The following ACTL8 variants were observed in gnomAD, a reference collection of about 807,000 sequenced individuals.
ACTL8 encodes actin like 8.
ACTL8 carries 3 observed loss-of-function variants against 9.3 expected under a neutral mutation model. The observed-to-expected ratio is 0.32, with a 90% CI of 0.15 to 0.83. The LOEUF (loss-of-function observed/expected upper bound fraction) is 0.83, where lower values mean the gene tolerates loss of function less well. ACTL8 is among the 40% of genes least tolerant of loss of function. ACTL8 has a pLI of 0.57. For synonymous variants in ACTL8, 224 were observed against 205.9 expected (o/e 1.09, Z -0.75); for missense variants, 381 against 492.2 (o/e 0.77, Z 2.14).
intron 1 of ACTL8, among the ~76,000 whole-genome samples, chr1:17,757,669 G>A (rs568520805): frequency 2.6e-5 from 4 of 152,232 alleles, no homozygotes; most frequent in South Asian, 4.2e-4. Flanking sequence ...CATGTTCCAC[G>A]GTGGCGGGTA....
At chr1:17,822,069 A>G (rs2053667176) in intron 1 of ACTL8, among the ~76,000 whole-genome samples, 1 of 152,250 alleles carries the variant, frequency 6.6e-6, no homozygotes, top group African/African-American at 2.4e-5. Context: ...GAAACTAACC[A>G]CAATCATGGA....
At chr1:17,757,865 T>C (rs1298267514) in intron 1 of ACTL8, among the ~76,000 whole-genome samples, 1 of 152,226 alleles carries the variant, frequency 6.6e-6, no homozygotes, top group Non-Finnish European at 1.5e-5. Flanking sequence ...GAGGTGGCTC[T>C]AACAGCTTGG....
intron 1 of ACTL8, among the ~76,000 whole-genome samples, chr1:17,815,314 G>A (rs1330306099): frequency 6.6e-6 from 1 of 152,184 alleles, no homozygotes; most frequent in Non-Finnish European, 1.5e-5. Context: ...AGCCTGAAGA[G>A]CTTTAATTAG....
intron 1 of ACTL8, among the ~76,000 whole-genome samples, chr1:17,772,917 A>T (rs932055662): frequency 2.0e-5 from 3 of 151,910 alleles, no homozygotes; most frequent in African/African-American, 7.3e-5. Flanking sequence ...GAAAGGAAAA[A>T]AAAAAGGATT....
chr1:17,758,666 T>G (rs2065982302), intron 1 of ACTL8, among the ~76,000 whole-genome samples: 1 of 152,212 alleles, frequency 6.6e-6, no homozygotes, highest in Non-Finnish European at 1.5e-5. Flanking sequence ...AACTCTGAAC[T>G]GATGCTGTTT....
Position 17,826,532 on chromosome 1 carries a change from A to C in ACTL8, c.*13A>C. Reference sequence around the variant, plus strand: ...TATGAGGATGTGACCCTACTGGCTCACTCCTGAGAATGGGCTCCTGTTAGA... The same window carrying C: ...TATGAGGATGTGACCCTACTGGCTCCCTCCTGAGAATGGGCTCCTGTTAGA... On this transcript the variant is annotated 3_prime_UTR_variant, in exon 3 of 3. Transcript: ENST00000375406. This position sits in a 1 kb window ranked among gnomAD's most constrained non-coding sequence, Gnocchi z 4.5. The C allele has an allele frequency of 6.6e-7, 1 of 1,524,038 alleles. No individual in the cohort carries two copies. The highest frequency in any genetic ancestry group is 2.0e-5 in the Admixed American group (1 of 49,786). The allele number at this position is 1,524,038 out of a possible 1,614,324, so 94.4% of individuals were successfully genotyped here. A position where few individuals can be genotyped will look rare whatever the true frequency, so the allele number is the denominator to read the frequency against.
chr1:17,764,200 G>A (rs2066028064), intron 1 of ACTL8, among the ~76,000 whole-genome samples: 1 of 152,104 alleles, frequency 6.6e-6, no homozygotes, highest in Admixed American at 6.5e-5. Flanking sequence ...GGCCTTAGGT[G>A]TGACGCAAGG....
At chr1:17,813,423 C>G (rs1203208216) in intron 1 of ACTL8, among the ~76,000 whole-genome samples, 1 of 152,134 alleles carries the variant, frequency 6.6e-6, no homozygotes, top group Non-Finnish European at 1.5e-5. Context: ...GTCTGTTACT[C>G]GTTTGAATCA....
At chr1:17,799,621 AGAAATTGTGTGTGTG>A (rs1388650009) in intron 1 of ACTL8, among the ~76,000 whole-genome samples, 108 of 152,174 alleles carry the variant, frequency 7.1e-4, no homozygotes, top group African/African-American at 2.4e-3. Context: ...CTCTGGCCTT[AGAAATTGTGTGTGTG>A]CCTTCTGTCT....
chr1:17,810,294 C>T (rs1347592727), intron 1 of ACTL8, among the ~76,000 whole-genome samples: 1 of 152,166 alleles, frequency 6.6e-6, no homozygotes, highest in Non-Finnish European at 1.5e-5. Flanking sequence ...TATCTTTTGA[C>T]CCCATTTGCT....
chr1:17,814,149 C>G (rs1356358617), intron 1 of ACTL8, among the ~76,000 whole-genome samples: 1 of 152,140 alleles, frequency 6.6e-6, no homozygotes, highest in African/African-American at 2.4e-5. Flanking sequence ...TGATGGTGGT[C>G]CCATAAGATT....
At position 17,826,692 on chromosome 1, in the gene ACTL8, G is replaced by A; in HGVS notation, c.*173G>A. 3.3e-6 allele frequency: 2 copies of A among 609,088 alleles called. No homozygotes were observed. The highest frequency in any genetic ancestry group is 3.0e-5 in the East Asian group (1 of 33,608). The allele number at this position is 609,088 out of a possible 1,614,324, so 37.7% of individuals were successfully genotyped here. On this transcript the variant is annotated 3_prime_UTR_variant, in exon 3 of 3. Transcript: ENST00000375406. This position sits in a 1 kb window ranked among gnomAD's most constrained non-coding sequence, Gnocchi z 4.5. ...TCTAAGGTTTTATCTTGTTGCAAGA[G>A]TGGGACCTACCCAAGGGGGAAGACA...
chr1:17,756,013 T>A (rs1238220533), intron 1 of ACTL8, among the ~76,000 whole-genome samples: 1 of 152,086 alleles, frequency 6.6e-6, no homozygotes, highest in Non-Finnish European at 1.5e-5. Context: ...ACGTTTACTC[T>A]GTCACAGGTG....
chr1:17,773,546 A>G (rs1021595008), intron 1 of ACTL8, among the ~76,000 whole-genome samples: 1 of 152,180 alleles, frequency 6.6e-6, no homozygotes, highest in Non-Finnish European at 1.5e-5. Flanking sequence ...CATAGAGTGG[A>G]GCAGCTTTGT....
At chr1:17,776,523 C>A (rs537763468) in intron 1 of ACTL8, among the ~76,000 whole-genome samples, 6 of 152,242 alleles carry the variant, frequency 3.9e-5, no homozygotes, top group African/African-American at 1.2e-4. Flanking sequence ...GGAGCTTGGA[C>A]GGCTGCTTCC....
chr1:17,768,366 A>ATTTGACCTTG (rs1553120021), intron 1 of ACTL8, among the ~76,000 whole-genome samples: 1 of 83,532 alleles, frequency 1.2e-5, no homozygotes, highest in Non-Finnish European at 3.2e-5. Context: ...TGCAGGGCTC[A>ATTTGACCTTG]TGTTCAACAG....
At chr1:17,771,788 G>C (rs957009490) in intron 1 of ACTL8, among the ~76,000 whole-genome samples, 1 of 152,126 alleles carries the variant, frequency 6.6e-6, no homozygotes, top group Admixed American at 6.5e-5. Flanking sequence ...GCAGTGGAGG[G>C]GGCGTGCTCA....
intron 1 of ACTL8, among the ~76,000 whole-genome samples, chr1:17,770,353 C>G (rs993259076): frequency 1.3e-5 from 2 of 152,168 alleles, no homozygotes; most frequent in African/African-American, 4.8e-5. Context: ...TTCCAGGGAC[C>G]TCTACTTTCT....
Position 17,826,533 on chromosome 1 carries a change from C to T in ACTL8, c.*14C>T. On this transcript the variant is annotated 3_prime_UTR_variant, in exon 3 of 3. Transcript: ENST00000375406. The surrounding 1 kb of genome is among the most constrained non-coding windows in gnomAD (Gnocchi z 4.5). ...ATGAGGATGTGACCCTACTGGCTCA[C>T]TCCTGAGAATGGGCTCCTGTTAGAT... 6.5e-7 allele frequency: 1 copy of T among 1,529,294 alleles called. No individual in the cohort carries two copies. Among genetic ancestry groups the T allele is most frequent in the South Asian group, 1.3e-5 (1 of 78,002 alleles). 94.7% of individuals were successfully genotyped at this position (1,529,294 alleles called of 1,614,324 possible). A position where few individuals can be genotyped will look rare whatever the true frequency, so the allele number is the denominator to read the frequency against.
Sources: gnomAD v4.1 joint callset for allele counts (sites outside exome capture counted in the v4.1 genomes callset) on GRCh38, gnomAD v4.1.1 for gene constraint, Gnocchi (gnomAD v3.1) non-coding constraint, MANE v1.5 for transcripts, NCBI Gene and HGNC (gene_info 2026-07-23, HGNC 2026-07-21) for gene names.